Variants in PDE8B observed in about 807,000 individuals in gnomAD.
The protein encoded by PDE8B is high affinity cAMP-specific and IBMX-insensitive 3',5'-cyclic phosphodiesterase 8B.
A neutral mutation model predicts 101.3 loss-of-function variants in PDE8B; 26 were observed. The observed-to-expected ratio is 0.26, with a 90% CI of 0.19 to 0.36. The LOEUF is 0.36. PDE8B is among the 10% of genes least tolerant of loss of function. PDE8B has a pLI of 1.00. For missense variants in PDE8B, 810 were observed against 1,163.1 expected (o/e 0.70, Z 4.42); for synonymous variants, 424 against 429.3 (o/e 0.99, Z 0.15).
rs192455433 is a variant in PDE8B, at chr5:77,229,701, G to A, written c.339+18437G>A. On this transcript the variant is annotated intron_variant, in intron 1 of 21. Coordinates refer to ENST00000264917, the MANE Select transcript of PDE8B (RefSeq NM_003719.5). Reference sequence around the variant, plus strand: ...TAGATGGACTCATACAATATGTAGGGTTTGTGTCTGGCTTCTTTCAGTTAG... The same window carrying A: ...TAGATGGACTCATACAATATGTAGGATTTGTGTCTGGCTTCTTTCAGTTAG... Among the ~76,000 whole-genome samples, 264 of 152,232 alleles carry A rather than the reference G, an allele frequency of 1.7e-3. 3 individuals carry two copies. Among genetic ancestry groups the A allele is most frequent in the African/African-American group, 5.9e-3 (244 of 41,546 alleles).
chr5:77,226,037 C>G (rs1267175671), intron 1 of PDE8B, among the ~76,000 whole-genome samples: 1 of 152,150 alleles, frequency 6.6e-6, no homozygotes, highest in African/African-American at 2.4e-5. Context: ...TTGTTTAAAT[C>G]AGTTCTTTTT....
chr5:77,109,855 A>T, the PDE8B span, among the ~76,000 whole-genome samples: 1 of 148,684 alleles, frequency 6.7e-6, no homozygotes, highest in Admixed American at 6.7e-5. Context: ...GAGAGTGAGG[A>T]TTTTAAAATG....
intron 1 of PDE8B, among the ~76,000 whole-genome samples, chr5:77,235,825 A>AC (rs1383405729): frequency 6.6e-6 from 1 of 152,080 alleles, no homozygotes; most frequent in African/African-American, 2.4e-5. Flanking sequence ...AAAAAAAACA[A>AC]AACTAAAAAT....
At chr5:77,340,217 C>T (rs1288138945) in intron 6 of PDE8B, among the ~76,000 whole-genome samples, 1 of 152,166 alleles carries the variant, frequency 6.6e-6, no homozygotes, top group Non-Finnish European at 1.5e-5. Context: ...TTATTTCACT[C>T]CAAATCTTAA....
rs924340348 is a variant in PDE8B, at chr5:77,401,268, CCTCA to C, written c.1210+984_1210+987del. On this transcript the variant is annotated intron_variant, in intron 11 of 21. Coordinates refer to ENST00000264917, the MANE Select transcript of PDE8B (RefSeq NM_003719.5). ...CACACAGGTGCATTTTCTCTCTCTC[CCTCA>C]CTCACACACATACATTTTAGTTAAT... is the stretch of plus-strand genomic sequence containing the variant. Among the ~76,000 whole-genome samples, 11 of 152,128 alleles carry C rather than the reference CCTCA, an allele frequency of 7.2e-5. No homozygotes were observed. The South Asian group carries it at 8.3e-4, about 11-fold the overall frequency.
the PDE8B span, chr5:77,112,587 G>A: frequency 1.3e-5 from 2 of 152,210 alleles, no homozygotes; most frequent in East Asian, 3.9e-4. Flanking sequence ...GGCAAAAACT[G>A]GAAGCATTCT....
chr5:77,377,701 A>G (rs2150748126), intron 10 of PDE8B, among the ~76,000 whole-genome samples: 1 of 152,336 alleles, frequency 6.6e-6, no homozygotes, highest in South Asian at 2.1e-4. Context: ...TTTGAATCAG[A>G]GGACAGGAAG....
the PDE8B span, among the ~76,000 whole-genome samples, chr5:77,089,172 C>T: frequency 3.3e-5 from 5 of 152,214 alleles, no homozygotes; most frequent in South Asian, 2.1e-4. Context: ...TATTTACATC[C>T]GCTCCCCATG....
intron 1 of PDE8B, among the ~76,000 whole-genome samples, chr5:77,222,705 G>C (rs1751408801): frequency 6.6e-6 from 1 of 152,218 alleles, no homozygotes; most frequent in Non-Finnish European, 1.5e-5. Context: ...CAGGAGTTAC[G>C]GATTGGGAAT....
Position 77,349,491 on chromosome 5 carries a change from C to A in PDE8B, c.949C>A (p.Leu317Met). 3 of 1,614,168 alleles carry A rather than the reference C, an allele frequency of 1.9e-6. No individual in the cohort carries two copies. Among genetic ancestry groups the A allele is most frequent in the Non-Finnish European group, 2.5e-6 (3 of 1,180,016 alleles). ...GELLGKELAD[L>M]PKSDKNRADL... is the part of the protein sequence containing the mutation. The stretch of plus-strand genomic sequence containing the variant: ...GCTCCTGGGAAAAGAACTCGCTGAT[C>A]TGCCCAAAAGCGATAAGAACCGGGC... Residue 317 changes from leucine (L) to methionine (M), a missense_variant, in exon 8 of 22, where the codon CTG (leucine) becomes ATG (methionine). Transcript: ENST00000264917.
chr5:77,373,304 CATT>C (rs1264778044), intron 10 of PDE8B, among the ~76,000 whole-genome samples: 7 of 151,152 alleles, frequency 4.6e-5, no homozygotes, highest in African/African-American at 1.7e-4. Context: ...AACCTCAGGT[CATT>C]ATTATTATTT....
At chr5:77,139,900 G>A in the PDE8B span, 2 of 152,144 alleles carry the variant, frequency 1.3e-5, no homozygotes, top group African/African-American at 4.8e-5. Flanking sequence ...TCTGTGGCTT[G>A]ATCTGTTTCT....
intron 5 of PDE8B, among the ~76,000 whole-genome samples, chr5:77,336,331 G>C (rs529694429): frequency 6.6e-6 from 1 of 152,176 alleles, no homozygotes; most frequent in South Asian, 2.1e-4. Flanking sequence ...AAACAAACAA[G>C]CAAAAAGCCA....
At chr5:77,312,098 TTTTTTTC>T in intron 2 of PDE8B, 45 bp downstream of exon 2, 1 of 1,291,040 alleles carries the variant, frequency 7.7e-7, no homozygotes, top group Non-Finnish European at 1.1e-6. Context: ...TATTTTCTTT[TTTTTTTC>T]TTTTTTTTTT....
chr5:77,250,975 G>A (rs1163273632), intron 1 of PDE8B, among the ~76,000 whole-genome samples: 1 of 152,242 alleles, frequency 6.6e-6, no homozygotes, highest in East Asian at 1.9e-4. Flanking sequence ...ATCTGTAGTA[G>A]TGTAATTCAG....
chr5:77,126,617 T>C, the PDE8B span, among the ~76,000 whole-genome samples: 1 of 152,074 alleles, frequency 6.6e-6, no homozygotes, highest in African/African-American at 2.4e-5. Flanking sequence ...TCAGGGTCTC[T>C]CCATGTTACC....
the PDE8B span, among the ~76,000 whole-genome samples, chr5:77,204,993 A>G: frequency 2.0e-5 from 3 of 152,178 alleles, no homozygotes; most frequent in African/African-American, 7.2e-5. Flanking sequence ...TGAATGTTCC[A>G]TCTCTCCTAG....
At chr5:77,311,464 A>C (rs1428039001) in intron 1 of PDE8B, among the ~76,000 whole-genome samples, 2 of 152,202 alleles carry the variant, frequency 1.3e-5, no homozygotes, top group Admixed American at 1.3e-4. Flanking sequence ...AATGTGAGTA[A>C]GACTAAGCTG....
At chr5:77,423,092 C>T (rs2151205478) in intron 20 of PDE8B, among the ~76,000 whole-genome samples, 1 of 152,262 alleles carries the variant, frequency 6.6e-6, no homozygotes, top group Non-Finnish European at 1.5e-5. Context: ...GCTACCACTT[C>T]TAAGAAAGAA....
Sources: allele counts gnomAD v4.1 joint callset (sites outside exome capture counted in the v4.1 genomes callset), GRCh38; gene constraint gnomAD v4.1.1; transcripts MANE v1.5; gene names NCBI Gene and HGNC (gene_info 2026-07-23, HGNC 2026-07-21).